Variants in SNAPC5 observed in about 807,000 individuals in gnomAD.
The protein encoded by SNAPC5 is small nuclear RNA activating complex polypeptide 5.
A neutral mutation model predicts 9.1 loss-of-function variants in SNAPC5; 12 were observed. The observed-to-expected ratio is 1.32, with a 90% CI of 0.85 to 2.15. SNAPC5 has a LOEUF of 2.15. Ranked by LOEUF, SNAPC5 falls within the 30% of genes most tolerant of loss-of-function variation. The probability of loss-of-function intolerance (pLI) is 0.00; values close to 1 mark genes in which losing one functional copy is unlikely to be tolerated. For missense variants in SNAPC5, 132 were observed against 114.4 expected (o/e 1.15, Z -0.70); for synonymous variants, 52 against 47.3 (o/e 1.10, Z -0.41).
chr15:66,495,314 A>T lies in SNAPC5; in HGVS notation c.180+16T>A, dbSNP rs1035376848. On this transcript the variant is annotated intron_variant, in intron 2 of 2. Transcript: ENST00000316634. ...ACTTTGCATTCTCTCCTAGGCCTGCACTTGATTAAGCTTACATCATGTGAC... is the reference window on the plus strand; with the variant it reads ...ACTTTGCATTCTCTCCTAGGCCTGCTCTTGATTAAGCTTACATCATGTGAC... The T allele has an allele frequency of 6.9e-6, 10 of 1,454,742 alleles. No homozygotes were observed. The highest frequency in any genetic ancestry group is 9.7e-6 in the Non-Finnish European group (10 of 1,034,178). The allele number at this position is 1,454,742 out of a possible 1,614,324, so 90.1% of individuals were successfully genotyped here.
downstream of SNAPC5, chr15:66,490,023 C>T: frequency 1.7e-6 from 1 of 585,698 alleles, no homozygotes; most frequent in East Asian, 2.9e-5. Flanking sequence ...AAGGCCAGCC[C>T]ACCCCCTTCA....
At chr15:66,490,361 T>A, downstream of SNAPC5, 1 of 755,322 alleles carries the variant, frequency 1.3e-6, no homozygotes, top group Non-Finnish European at 2.4e-6. Flanking sequence ...CTGGCCCCAC[T>A]GTTGCTCAGG....
Position 66,497,687 on chromosome 15 carries a change from C to T in SNAPC5, c.45G>A (p.Leu15=), listed in dbSNP as rs140752701. 1.9e-6 allele frequency: 3 copies of T among 1,613,818 alleles called. No individual in the cohort carries two copies. The African/African-American group carries it at 4.0e-5, about 22-fold the overall frequency. Residue 15 remains leucine (L), a synonymous_variant, in exon 1 of 3, where the codon CTG becomes CTA. Transcript: ENST00000316634. ...LQELRKEEET[L]LRLKAALHDQ... is the part of the protein sequence containing the mutation. ...CGTGCAGGGCTGCCTTCAACCGCAG[C>T]AGCGTCTCCTCCTCCTTGCGCAGTT...
In SNAPC5 at chr15:66,494,450, C is replaced by A. The variant is rs779200180; in HGVS notation, c.283G>T (p.Glu95Ter). 7 of 1,611,618 alleles carry A rather than the reference C, an allele frequency of 4.3e-6. No homozygotes were observed. In the East Asian group the frequency reaches 1.1e-4, roughly 26 times the overall value. ...TTCCCCCTCCTTTAGGAATCTGATTCTTCTTCCTCTTCCTCCTCCTCCTCT... is the reference window on the plus strand; with the variant it reads ...TTCCCCCTCCTTTAGGAATCTGATTATTCTTCCTCTTCCTCCTCCTCCTCT... ...TEEEEEEEEEESDS is the reference protein window; with the variant it reads ...TEEEEEEEEE The change falls in exon 3 of 3, where the codon GAA becomes TAA. Residue 95 changes from glutamate to a stop codon, truncating the protein, a stop_gained. Transcript: ENST00000316634. LOFTEE classifies it high-confidence loss of function.
chr15:66,490,073 T>C (rs1423726793), downstream of SNAPC5: 4 of 543,996 alleles, frequency 7.4e-6, no homozygotes, highest in African/African-American at 7.6e-5. Flanking sequence ...TGCCTCATCT[T>C]ACATTCAGCC....
rs1893324615 is a variant in SNAPC5, at chr15:66,493,518, G to GT, written c.*917dup. On this transcript the variant is annotated 3_prime_UTR_variant, in exon 3 of 3. Coordinates refer to ENST00000316634, the MANE Select transcript of SNAPC5 (RefSeq NM_001329615.2). ...AAAAATACAAAATTAGCCGGGTGTGGTGGTGCATGCCTGTAATCCTAGCTA... is the reference window on the plus strand; with the variant it reads ...AAAAATACAAAATTAGCCGGGTGTGGTTGGTGCATGCCTGTAATCCTAGCTA... The GT allele has an allele frequency of 1.3e-5, 2 of 152,212 alleles. No homozygotes were observed. The highest frequency in any genetic ancestry group is 4.2e-4 in the South Asian group (2 of 4,814). 9.4% of individuals were successfully genotyped at this position (152,212 alleles called of 1,614,324 possible). A position where few individuals can be genotyped will look rare whatever the true frequency, so the allele number is the denominator to read the frequency against.
At chr15:66,497,492 G>A (rs1265778791) in intron 1 of SNAPC5, 150 bp downstream of exon 1, 1 of 734,800 alleles carries the variant, frequency 1.4e-6, no homozygotes. Flanking sequence ...TCAGATACCT[G>A]TTTGTTTGTA....
At chr15:66,490,429 G>C (rs768715790), downstream of SNAPC5, 1 of 1,124,248 alleles carries the variant, frequency 8.9e-7, no homozygotes, top group Non-Finnish European at 1.4e-6. Context: ...GAAACTCTTG[G>C]ATTTTCCTTC....
In SNAPC5 at chr15:66,497,711, T is replaced by A; in HGVS notation, c.21A>T (p.Glu7Asp). 6.2e-7 allele frequency: 1 copy of A among 1,613,394 alleles called. No individual in the cohort carries two copies. The change falls in exon 1 of 3, where the codon GAA (glutamate) becomes GAT (aspartate). Residue 7 changes from glutamate to aspartate, a missense_variant. Transcript: ENST00000316634. ...GCAGCGTCTCCTCCTCCTTGCGCAG[T>A]TCCTGAAGCCGGCTCAGCATGTTGC... The part of the protein sequence containing the change: MLSRLQ[E>D]LRKEEETLLR...
chr15:66,490,615 AGT>A (rs1893224117), downstream of SNAPC5: 1 of 1,613,430 alleles, frequency 6.2e-7, no homozygotes, highest in Non-Finnish European at 8.5e-7. Context: ...CTGGCGTCTA[AGT>A]GTTTGGGAAG....
chr15:66,492,399 G>GTTGTGT (rs776457096), downstream of SNAPC5: 2 of 200,444 alleles, frequency 1.0e-5, no homozygotes, highest in Non-Finnish European at 2.1e-5. Context: ...TTAAAAAAAT[G>GTTGTGT]ATCAGTGTTG....
downstream of SNAPC5, chr15:66,490,414 G>C (rs780191607): frequency 3.1e-6 from 3 of 959,542 alleles, no homozygotes; most frequent in African/African-American, 4.8e-5. Context: ...ACAAGCTCTA[G>C]ACCTGAAACT....
chr15:66,494,594 TG>T lies in SNAPC5; in HGVS notation c.181-43del, dbSNP rs1352662490. On this transcript the variant is annotated intron_variant, in intron 2 of 2. Coordinates refer to ENST00000316634, the MANE Select transcript of SNAPC5 (RefSeq NM_001329615.2). ...CATCACAGATTAGCAGGAAAGATGC[TG>T]GCCTCAAAACAGCAAATTCTTAAAA... 6 of 1,433,516 alleles carry T rather than the reference TG, an allele frequency of 4.2e-6. No homozygotes were observed. In the Admixed American group the frequency reaches 1.0e-4, roughly 25 times the overall value. The allele number at this position is 1,433,516 out of a possible 1,614,324, so 88.8% of individuals were successfully genotyped here.
intron 2 of SNAPC5, 101 bp from the exon 3 acceptor site, chr15:66,494,653 A>G: frequency 1.2e-6 from 1 of 816,358 alleles, no homozygotes; most frequent in Non-Finnish European, 2.1e-6. Context: ...TTGCATATCT[A>G]TCCCCAGTAC....
chr15:66,491,867 G>GA (rs148542169), downstream of SNAPC5: 4,194 of 435,312 alleles, frequency 9.6e-3, 148 homozygotes, highest in African/African-American at 0.078. Context: ...GCAAATCTGA[G>GA]AAAAATGACA....
chr15:66,495,761 G>A lies in SNAPC5; in HGVS notation c.91-342C>T, dbSNP rs542357951. Among the ~76,000 whole-genome samples, 7 of 152,362 alleles carry A rather than the reference G, an allele frequency of 4.6e-5. No individual in the cohort carries two copies. In the East Asian group the frequency reaches 1.2e-3, roughly 25 times the overall value. ...AGAGAGAGAGATTCCCTGGACCTGA[G>A]GCTGTTACTCAGTAATGAGAACGTG... is the stretch of plus-strand genomic sequence containing the variant. On this transcript the variant is annotated intron_variant, in intron 1 of 2. Coordinates refer to ENST00000316634, the MANE Select transcript of SNAPC5 (RefSeq NM_001329615.2).
chr15:66,497,614 G>T, intron 1 of SNAPC5, 28 bp downstream of exon 1: 1 of 1,601,308 alleles, frequency 6.2e-7, no homozygotes, highest in Non-Finnish European at 8.6e-7. Context: ...AGGAATGGAG[G>T]AGGGGCAGGA....
chr15:66,495,497 A>G (rs1893397250), intron 1 of SNAPC5, 78 bp from the exon 2 acceptor site: 1 of 809,792 alleles, frequency 1.2e-6, no homozygotes, highest in Non-Finnish European at 2.2e-6. Flanking sequence ...TGGGCACACT[A>G]TGAAACATTT....
At chr15:66,496,889 G>A (rs1489672362) in intron 1 of SNAPC5, 1 of 152,972 alleles carries the variant, frequency 6.5e-6, no homozygotes, top group East Asian at 1.9e-4. Context: ...TACTTGGGAA[G>A]GTGAAGCACG....
Sources: allele counts gnomAD v4.1 joint callset (sites outside exome capture counted in the v4.1 genomes callset), GRCh38; gene constraint gnomAD v4.1.1; transcripts MANE v1.5; gene names NCBI Gene and HGNC (gene_info 2026-07-23, HGNC 2026-07-21).